CACNB2: variants seen among roughly 807,000 people sequenced by gnomAD.
CACNB2 encodes calcium voltage-gated channel auxiliary subunit beta 2.
Under a neutral mutation model 73.3 loss-of-function variants are expected in CACNB2, and 42 were observed. The observed-to-expected ratio is 0.57, with a 90% CI of 0.45 to 0.74. The LOEUF (loss-of-function observed/expected upper bound fraction) is 0.74, where lower values mean the gene tolerates loss of function less well. Among genes scored for constraint, CACNB2 ranks in the 30% least tolerant of loss-of-function variants. CACNB2 has a pLI of 0.00. For missense variants in CACNB2, 940 were observed against 853.0 expected, an observed-to-expected ratio of 1.10 and a Z score of -1.27; for synonymous variants, 348 against 310.3, an observed-to-expected ratio of 1.12 and a Z score of -1.28.
At chr10:18,500,977 A>G (rs747045778) in intron 5 of CACNB2, 29 bp downstream of exon 5, 1 of 1,608,284 alleles carries the variant, frequency 6.2e-7, no homozygotes, top group South Asian at 1.1e-5. Flanking sequence ...GTGTTTGCAT[A>G]AAACTTAGAT....
chr10:18,484,800 T>C (rs1259043343), intron 3 of CACNB2, among the ~76,000 whole-genome samples: 2 of 152,196 alleles, frequency 1.3e-5, no homozygotes, highest in African/African-American at 4.8e-5. Context: ...TTCTTAATCA[T>C]TTTAAATTTA....
At chr10:18,207,675 T>C (rs1027141109) in intron 2 of CACNB2, among the ~76,000 whole-genome samples, 7 of 152,246 alleles carry the variant, frequency 4.6e-5, no homozygotes, top group Non-Finnish European at 1.0e-4. Flanking sequence ...ACCTTTTGAC[T>C]AATTTTTGTT....
intron 3 of CACNB2, among the ~76,000 whole-genome samples, chr10:18,422,229 C>T (rs1432047160): frequency 6.6e-6 from 1 of 152,210 alleles, no homozygotes. Context: ...GTGCTAACTT[C>T]TATCAGATAC....
intron 9 of CACNB2, among the ~76,000 whole-genome samples, chr10:18,522,627 C>A (rs1285231358): frequency 6.6e-6 from 1 of 151,990 alleles, no homozygotes; most frequent in Non-Finnish European, 1.5e-5. Flanking sequence ...TGCCTGTAAT[C>A]CCAGCACTTT....
chr10:18,302,774 T>G (rs921960944), intron 2 of CACNB2, among the ~76,000 whole-genome samples: 38 of 152,124 alleles, frequency 2.5e-4, no homozygotes, highest in Admixed American at 2.4e-3. Context: ...AGGTGATGCG[T>G]GCACCAAAAT....
rs1269856894 is a variant in CACNB2 at position 18,349,778 on chromosome 10, T to G, written c.214-52146T>G. Among the ~76,000 whole-genome samples, 3 of 151,612 alleles carry G rather than the reference T, an allele frequency of 2.0e-5. No homozygotes were observed. The East Asian group carries it at 5.8e-4, about 29-fold the overall frequency. Reference sequence around the variant, plus strand: ...GAAGATGGTGATGGCTACCCAATAATGTGAATGTATTCAATGCCATTGAAC... The same window carrying G: ...GAAGATGGTGATGGCTACCCAATAAGGTGAATGTATTCAATGCCATTGAAC... On this transcript the variant is annotated intron_variant, in intron 2 of 13. Transcript: ENST00000324631.
chr10:18,508,331 T>C (rs1283121479), intron 6 of CACNB2, among the ~76,000 whole-genome samples: 1 of 152,206 alleles, frequency 6.6e-6, no homozygotes, highest in Non-Finnish European at 1.5e-5. Context: ...GTAGGTATTA[T>C]GTGAAACTTA....
chr10:18,418,169 T>C (rs899042186), intron 3 of CACNB2, among the ~76,000 whole-genome samples: 1 of 152,018 alleles, frequency 6.6e-6, no homozygotes, highest in African/African-American at 2.4e-5. Context: ...CTGCCTCCCA[T>C]GTTCAGGCGA....
At chr10:18,266,970 T>C (rs1345567978) in intron 2 of CACNB2, among the ~76,000 whole-genome samples, 4 of 152,144 alleles carry the variant, frequency 2.6e-5, no homozygotes, top group Non-Finnish European at 5.9e-5. Context: ...TTTAAAGGCA[T>C]GTGTGTATGT....
At chr10:18,436,901 A>G (rs1015296937) in intron 3 of CACNB2, among the ~76,000 whole-genome samples, 1 of 152,186 alleles carries the variant, frequency 6.6e-6, no homozygotes, top group African/African-American at 2.4e-5. Context: ...GAGTCACCTT[A>G]TATTTGAAAT....
At chr10:18,251,969 A>C (rs567207701) in intron 2 of CACNB2, among the ~76,000 whole-genome samples, 1 of 152,182 alleles carries the variant, frequency 6.6e-6, no homozygotes, top group African/African-American at 2.4e-5. Flanking sequence ...CATATCACCC[A>C]GGGATAAAGA....
chr10:18,399,233 C>T (rs931060316), intron 2 of CACNB2, among the ~76,000 whole-genome samples: 7 of 152,154 alleles, frequency 4.6e-5, no homozygotes, highest in African/African-American at 1.7e-4. Context: ...TACTGTGCTG[C>T]TACTACTATA....
At chr10:18,504,466 C>T (rs960680837) in intron 5 of CACNB2, among the ~76,000 whole-genome samples, 1 of 152,064 alleles carries the variant, frequency 6.6e-6, no homozygotes, top group South Asian at 2.1e-4. Flanking sequence ...CTGAGTTATC[C>T]GTATTTGAGG....
At chr10:18,228,701 GTTGTGAGTGGC>G (rs2036110968) in intron 2 of CACNB2, among the ~76,000 whole-genome samples, 1 of 151,286 alleles carries the variant, frequency 6.6e-6, no homozygotes, top group Admixed American at 6.6e-5. Flanking sequence ...TGTCAGTTTT[GTTGTGAGTGGC>G]TCGTTTTTAC....
intron 3 of CACNB2, among the ~76,000 whole-genome samples, chr10:18,457,301 G>A (rs1232951078): frequency 6.6e-6 from 1 of 151,988 alleles, no homozygotes; most frequent in East Asian, 1.9e-4. Context: ...TGTTGCCTAG[G>A]CTGATTTTGA....
At chr10:18,436,788 C>T (rs901014030) in intron 3 of CACNB2, among the ~76,000 whole-genome samples, 1 of 151,980 alleles carries the variant, frequency 6.6e-6, no homozygotes, top group East Asian at 1.9e-4. Flanking sequence ...AGAGAATATG[C>T]AAAAATAAAT....
At chr10:18,394,667 A>G (rs1391699455) in intron 2 of CACNB2, among the ~76,000 whole-genome samples, 2 of 152,218 alleles carry the variant, frequency 1.3e-5, no homozygotes, top group African/African-American at 2.4e-5. Context: ...CAGTTTTCTC[A>G]TCAGTAAAAA....
intron 2 of CACNB2, among the ~76,000 whole-genome samples, chr10:18,308,300 A>T (rs61842675): frequency 0.11 from 16,287 of 152,092 alleles, 963 homozygotes; most frequent in South Asian, 0.19. Flanking sequence ...AAGCTTTACC[A>T]ACATTTTCTT....
intron 2 of CACNB2, among the ~76,000 whole-genome samples, chr10:18,396,239 G>A (rs937188866): frequency 1.3e-5 from 2 of 152,198 alleles, no homozygotes; most frequent in Non-Finnish European, 2.9e-5. Context: ...TTACAGGCAT[G>A]AGCCAGCATG....
Sources: gnomAD v4.1 joint callset for allele counts (sites outside exome capture counted in the v4.1 genomes callset) on GRCh38, gnomAD v4.1.1 for gene constraint, MANE v1.5 for transcripts, NCBI Gene and HGNC (gene_info 2026-07-23, HGNC 2026-07-21) for gene names.